Variants in ATG7 observed in about 807,000 individuals in gnomAD.
The protein encoded by ATG7 is autophagy related 7.
Under a neutral mutation model 82.4 loss-of-function variants are expected in ATG7, and 70 were observed. That is an observed-to-expected ratio of 0.85 (90% CI 0.70 to 1.04). The LOEUF (loss-of-function observed/expected upper bound fraction) is 1.04. Among genes scored for constraint, ATG7 ranks in the 50% least tolerant of loss-of-function variants. The pLI, the probability that ATG7 is intolerant of heterozygous loss-of-function variation, is 0.00. For missense variants in ATG7, 792 were observed against 864.3 expected (o/e 0.92, Z 1.05); for synonymous variants, 287 against 313.0 (o/e 0.92, Z 0.88).
At chr3:11,538,712 CAA>C (rs34720305) in intron 20 of ATG7, among the ~76,000 whole-genome samples, 4 of 83,970 alleles carry the variant, frequency 4.8e-5, no homozygotes, top group Admixed American at 1.4e-4. Flanking sequence ...AAAAATTAGC[CAA>C]AAAAAAAAAA....
At chr3:11,357,775 C>T (rs747375924) in intron 14 of ATG7, among the ~76,000 whole-genome samples, 2 of 151,788 alleles carry the variant, frequency 1.3e-5, no homozygotes, top group East Asian at 3.9e-4. Flanking sequence ...CTTTGGAGGC[C>T]GAATCAGGAG....
At chr3:11,547,720 G>A (rs2071413744) in intron 20 of ATG7, among the ~76,000 whole-genome samples, 1 of 152,204 alleles carries the variant, frequency 6.6e-6, no homozygotes, top group Non-Finnish European at 1.5e-5. Flanking sequence ...ATCCTAGTGG[G>A]TGTGAAGTGG....
chr3:11,304,622 G>A (rs1947415053), intron 5 of ATG7: 1 of 152,262 alleles, frequency 6.6e-6, no homozygotes, highest in Non-Finnish European at 1.5e-5. Context: ...TTGGCCAAGT[G>A]TAAATAACTG....
chr3:11,277,728 A>ACAGAAAACAGGGTTCGAGAG (rs1472618664), intron 1 of ATG7, among the ~76,000 whole-genome samples: 1 of 152,120 alleles, frequency 6.6e-6, no homozygotes. Context: ...ATCTTAAACA[A>ACAGAAAACAGGGTTCGAGAG]CAGAAAACAG....
chr3:11,428,733 T>C (rs2082589983), intron 20 of ATG7, among the ~76,000 whole-genome samples: 1 of 152,258 alleles, frequency 6.6e-6, no homozygotes, highest in South Asian at 2.1e-4. Context: ...CATAGATGTT[T>C]GTAAACATAC....
At chr3:11,387,528 T>C (rs1289860919) in intron 19 of ATG7, among the ~76,000 whole-genome samples, 1 of 152,170 alleles carries the variant, frequency 6.6e-6, no homozygotes, top group Non-Finnish European at 1.5e-5. Flanking sequence ...GGCCCAAGCA[T>C]AGTCTTCAGG....
At chr3:11,486,839 T>TA (rs2089724421) in intron 20 of ATG7, among the ~76,000 whole-genome samples, 1 of 137,580 alleles carries the variant, frequency 7.3e-6, no homozygotes, top group African/African-American at 2.9e-5. Flanking sequence ...TTTTTTTTTT[T>TA]TAATTTATTT....
chr3:11,553,105 C>A (rs1236748972), intron 20 of ATG7, among the ~76,000 whole-genome samples: 1 of 152,140 alleles, frequency 6.6e-6, no homozygotes, highest in Non-Finnish European at 1.5e-5. Flanking sequence ...ACAATGCTCA[C>A]CCTTTTCATT....
intron 9 of ATG7, among the ~76,000 whole-genome samples, chr3:11,330,074 G>A (rs1022667415): frequency 1.3e-5 from 2 of 152,048 alleles, no homozygotes; most frequent in Middle Eastern, 3.2e-3. Context: ...TGGGGTTATG[G>A]GTTTTTGGAA....
chr3:11,388,757 C>G lies in ATG7; in HGVS notation c.1956+8705C>G, dbSNP rs141020810. 2.7e-3 allele frequency among the ~76,000 whole-genome samples: 412 copies of G among 151,946 alleles called. 2 individuals are homozygous for G. In the Middle Eastern group the frequency reaches 0.034, roughly 13 times the overall value. Reference sequence around the variant, plus strand: ...CTTTCTTTTTTTTATTCATATAGTACATTCATCTTCATCCTCTTGCCTATA... The same window carrying G: ...CTTTCTTTTTTTTATTCATATAGTAGATTCATCTTCATCCTCTTGCCTATA... On this transcript the variant is annotated intron_variant, in intron 19 of 20. Coordinates refer to ENST00000693202, the MANE Select transcript of ATG7 (RefSeq NM_001349232.2).
intron 18 of ATG7, among the ~76,000 whole-genome samples, chr3:11,378,139 G>A (rs1254828240): frequency 7.1e-6 from 1 of 141,800 alleles, no homozygotes; most frequent in Non-Finnish European, 1.5e-5. Flanking sequence ...TCAGCCTCCC[G>A]AGGAGCTGGG....
In ATG7 at chr3:11,546,660, G is replaced by A. The variant is rs147575233; in HGVS notation, c.2080-8151G>A. ...GATGATGAGGGCTCCTTTCAAACTC[G>A]TCTGTCTCCTTTGGAGAGAGTTAAA... On this transcript the variant is annotated intron_variant, in intron 20 of 20. Transcript: ENST00000693202. 5.6e-3 allele frequency among the ~76,000 whole-genome samples: 846 copies of A among 152,318 alleles called. 6 individuals are homozygous for A. Among genetic ancestry groups the A allele is most frequent in the South Asian group, 0.026 (126 of 4,826 alleles).
At chr3:11,388,744 T>A (rs930679809) in intron 19 of ATG7, among the ~76,000 whole-genome samples, 1 of 151,956 alleles carries the variant, frequency 6.6e-6, no homozygotes, top group Non-Finnish European at 1.5e-5. Context: ...TTCTTTTTTT[T>A]ATTCATATAG....
chr3:11,409,561 T>A (rs1418607411), intron 19 of ATG7, among the ~76,000 whole-genome samples: 1 of 152,208 alleles, frequency 6.6e-6, no homozygotes, highest in Non-Finnish European at 1.5e-5. Context: ...AGTTGGTGTA[T>A]ACCCCCATCA....
chr3:11,378,685 C>CAAAAAAAAAAAA (rs368506515), intron 18 of ATG7, among the ~76,000 whole-genome samples: 5 of 78,936 alleles, frequency 6.3e-5, no homozygotes, highest in East Asian at 3.7e-4. Context: ...ACTCCATCTC[C>CAAAAAAAAAAAA]AAAAAAAAAA....
At chr3:11,397,832 C>T (rs1017283985) in intron 19 of ATG7, among the ~76,000 whole-genome samples, 7 of 150,204 alleles carry the variant, frequency 4.7e-5, no homozygotes, top group Middle Eastern at 3.4e-3. Context: ...CCTGTAATCC[C>T]GGCACTCTGG....
chr3:11,508,282 A>G (rs959860296), intron 20 of ATG7, among the ~76,000 whole-genome samples: 1 of 151,962 alleles, frequency 6.6e-6, no homozygotes, highest in Non-Finnish European at 1.5e-5. Flanking sequence ...CCACGTTGGA[A>G]GAATAATTAC....
At chr3:11,277,867 C>T (rs185732617) in intron 1 of ATG7, among the ~76,000 whole-genome samples, 2 of 146,192 alleles carry the variant, frequency 1.4e-5, no homozygotes, top group South Asian at 2.3e-4. Context: ...GTAAGACAGA[C>T]ACTCCCAGAG....
intron 20 of ATG7, among the ~76,000 whole-genome samples, chr3:11,508,503 G>A (rs534662161): frequency 1.1e-4 from 17 of 152,272 alleles, no homozygotes; most frequent in African/African-American, 3.9e-4. Flanking sequence ...GGCCCAGGCT[G>A]GAATGCAGTG....
Sources: allele counts gnomAD v4.1 joint callset (sites outside exome capture counted in the v4.1 genomes callset), GRCh38; gene constraint gnomAD v4.1.1; transcripts MANE v1.5; gene names NCBI Gene and HGNC (gene_info 2026-07-23, HGNC 2026-07-21).